Variants in SLCO5A1 observed in about 807,000 individuals in gnomAD.
SLCO5A1 encodes solute carrier organic anion transporter family member 5A1.
Under a neutral mutation model 65.1 loss-of-function variants are expected in SLCO5A1, and 39 were observed. That is an observed-to-expected ratio of 0.60 (90% CI 0.46 to 0.78). The LOEUF is 0.78. Ranked by LOEUF, SLCO5A1 falls within the 30% of genes least tolerant of loss-of-function variation. SLCO5A1 has a pLI of 0.00. For synonymous variants in SLCO5A1, 438 were observed against 415.7 expected, an observed-to-expected ratio of 1.05 and a Z score of -0.65; for missense variants, 1,029 against 1,069.4, an observed-to-expected ratio of 0.96 and a Z score of 0.53.
intron 6 of SLCO5A1, among the ~76,000 whole-genome samples, chr8:69,698,771 C>T (rs1656510234): frequency 6.6e-6 from 1 of 152,222 alleles, no homozygotes; most frequent in Non-Finnish European, 1.5e-5. Flanking sequence ...AACAAAGATG[C>T]TTTAATATGC....
chr8:69,703,415 A>T (rs1382077872), intron 6 of SLCO5A1, among the ~76,000 whole-genome samples: 2 of 152,110 alleles, frequency 1.3e-5, no homozygotes, highest in South Asian at 4.1e-4. Context: ...GCACGGTGCC[A>T]TATGCCCATA....
chr8:69,742,647 G>A lies in SLCO5A1; in HGVS notation c.1259-4443C>T, dbSNP rs138804383. On this transcript the variant is annotated intron_variant, in intron 4 of 9. Transcript: ENST00000260126. ...GTGCATATCGATGACAGTATAGGCG[G>A]CCCCATCATCACGTGCACACGGACC... 1.0e-3 allele frequency among the ~76,000 whole-genome samples: 156 copies of A among 152,188 alleles called. 4 individuals carry two copies. In the East Asian group the frequency reaches 0.03, roughly 29 times the overall value.
Position 69,672,754 on chromosome 8 carries a change from G to T in SLCO5A1, c.*115C>A. The T allele has an allele frequency of 1.7e-6, 2 of 1,163,066 alleles. No homozygotes were observed. Among genetic ancestry groups the T allele is most frequent in the East Asian group, 5.1e-5 (2 of 39,342 alleles). The allele number at this position is 1,163,066 out of a possible 1,614,324, so 72.0% of individuals were successfully genotyped here. A position where few individuals can be genotyped will look rare whatever the true frequency, so the allele number is the denominator to read the frequency against. On this transcript the variant is annotated 3_prime_UTR_variant, in exon 10 of 10. Transcript: ENST00000260126. ...TGTGTATACTGAGTTTTGTTGGTTTGAGGATTGTGTCTGTAGAGGTTAAAA... is the reference window on the plus strand; with the variant it reads ...TGTGTATACTGAGTTTTGTTGGTTTTAGGATTGTGTCTGTAGAGGTTAAAA...
At chr8:69,688,677 T>G (rs1259154436) in intron 6 of SLCO5A1, among the ~76,000 whole-genome samples, 2 of 152,236 alleles carry the variant, frequency 1.3e-5, no homozygotes, top group African/African-American at 4.8e-5. Flanking sequence ...TCATCATTTT[T>G]TATGGCTGTA....
At chr8:69,725,737 A>G (rs1171113917) in intron 5 of SLCO5A1, among the ~76,000 whole-genome samples, 2 of 152,226 alleles carry the variant, frequency 1.3e-5, no homozygotes, top group East Asian at 3.8e-4. Flanking sequence ...TCATTCCTTC[A>G]TCAAATCTAT....
At chr8:69,682,146 T>C (rs765160229) in intron 7 of SLCO5A1, 38 bp downstream of exon 7, 2 of 1,581,026 alleles carry the variant, frequency 1.3e-6, no homozygotes, top group Admixed American at 3.7e-5. Flanking sequence ...TCACAGGATG[T>C]TGGACTAACA....
intron 6 of SLCO5A1, among the ~76,000 whole-genome samples, chr8:69,693,861 G>A (rs992516105): frequency 3.3e-5 from 5 of 152,104 alleles, no homozygotes; most frequent in African/African-American, 7.2e-5. Flanking sequence ...ACATCAATCC[G>A]ACTAGATAGA....
chr8:69,723,972 C>T (rs1383683558), intron 5 of SLCO5A1, among the ~76,000 whole-genome samples: 1 of 152,084 alleles, frequency 6.6e-6, no homozygotes, highest in Non-Finnish European at 1.5e-5. Context: ...GGGGTTTCCC[C>T]ATGTTGGCCA....
chr8:69,801,584 T>G (rs1276057010), intron 2 of SLCO5A1, among the ~76,000 whole-genome samples: 1 of 152,220 alleles, frequency 6.6e-6, no homozygotes, highest in African/African-American at 2.4e-5. Flanking sequence ...CATTTTATGA[T>G]TTAGAGTTTT....
chr8:69,828,274 T>A (rs1175870355), intron 2 of SLCO5A1, among the ~76,000 whole-genome samples: 1 of 141,540 alleles, frequency 7.1e-6, no homozygotes, highest in African/African-American at 2.7e-5. Flanking sequence ...TTTTTTTTTT[T>A]TTAAAAAAAA....
At chr8:69,709,923 A>G (rs1815150928) in intron 5 of SLCO5A1, among the ~76,000 whole-genome samples, 1 of 152,110 alleles carries the variant, frequency 6.6e-6, no homozygotes, top group Non-Finnish European at 1.5e-5. Flanking sequence ...CACAAAGAGA[A>G]GCAGAGGAAG....
At chr8:69,793,294 T>G (rs960474266) in intron 2 of SLCO5A1, among the ~76,000 whole-genome samples, 2 of 152,174 alleles carry the variant, frequency 1.3e-5, no homozygotes, top group African/African-American at 4.8e-5. Context: ...AATAAACTGT[T>G]TTTAAATAAT....
chr8:69,733,820 A>G (rs1816438860), intron 5 of SLCO5A1, among the ~76,000 whole-genome samples: 1 of 152,224 alleles, frequency 6.6e-6, no homozygotes, highest in African/African-American at 2.4e-5. Context: ...AAGTCAAATA[A>G]ACCACTTTTC....
chr8:69,752,832 T>TA (rs1483993901), intron 4 of SLCO5A1, among the ~76,000 whole-genome samples: 1 of 151,846 alleles, frequency 6.6e-6, no homozygotes. Context: ...AGGCATAGGG[T>TA]AAAAAAAGGA....
At position 69,673,012 on chromosome 8, in the gene SLCO5A1, C is replaced by G. The variant is rs747588867; in HGVS notation, c.2404G>C (p.Gly802Arg). The change falls in exon 10 of 10, where the codon GGA (glycine) becomes CGA (arginine). Residue 802 changes from glycine to arginine, a missense_variant. This residue lies in a region of SLCO5A1 where 258 missense variants were observed against 237.4 expected (regional missense o/e 1.09). Coordinates refer to ENST00000260126, the MANE Select transcript of SLCO5A1 (RefSeq NM_030958.3). ...AGGCCAGTCTCTTCGTGGAATTCTC[C>G]CTGGGTGCTGAAAGCTGGGCAAGAT... ...TRSCPAFSTQ[G>R]EFHEETGLQK... The G allele has an allele frequency of 1.2e-6, 2 of 1,614,196 alleles. No homozygotes were observed. Among genetic ancestry groups the G allele is most frequent in the Non-Finnish European group, 1.7e-6 (2 of 1,180,030 alleles).
chr8:69,687,288 T>C (rs753731433), intron 6 of SLCO5A1, among the ~76,000 whole-genome samples: 2 of 152,224 alleles, frequency 1.3e-5, no homozygotes, highest in Non-Finnish European at 2.9e-5. Context: ...CCCTCCTGAC[T>C]ACACGAAGGA....
At chr8:69,736,552 T>C (rs1396764103) in intron 5 of SLCO5A1, among the ~76,000 whole-genome samples, 1 of 152,152 alleles carries the variant, frequency 6.6e-6, no homozygotes, top group African/African-American at 2.4e-5. Context: ...ATGTGTATCC[T>C]GGGGAACACT....
intron 5 of SLCO5A1, among the ~76,000 whole-genome samples, chr8:69,734,984 A>C (rs1322711777): frequency 6.6e-6 from 1 of 152,242 alleles, no homozygotes; most frequent in Non-Finnish European, 1.5e-5. Flanking sequence ...GAAGAAAACA[A>C]ACAACCCCAT....
chr8:69,699,551 T>C (rs953503118), intron 6 of SLCO5A1, among the ~76,000 whole-genome samples: 17 of 109,058 alleles, frequency 1.6e-4, no homozygotes, highest in Admixed American at 6.6e-4. Flanking sequence ...AGACCTACCC[T>C]CACACACACA....
Sources: allele counts gnomAD v4.1 joint callset (sites outside exome capture counted in the v4.1 genomes callset), GRCh38; gene constraint gnomAD v4.1.1; regional missense constraint gnomAD v4.1.1; transcripts MANE v1.5; gene names NCBI Gene and HGNC (gene_info 2026-07-23, HGNC 2026-07-21).